Variants in ALG12 observed in about 807,000 individuals in gnomAD.
ALG12 encodes the protein ALG12 alpha-1,6-mannosyltransferase, also known as dol-P-Man:Man(7)GlcNAc(2)-PP-Dol alpha-1,6-mannosyltransferase.
Under a neutral mutation model 46.0 loss-of-function variants are expected in ALG12, and 36 were observed. The ratio of observed to expected loss-of-function variants is 0.78; its 90% CI spans 0.60 to 1.03. ALG12 has a LOEUF of 1.03. Ranked by LOEUF, ALG12 falls within the 50% of genes least tolerant of loss-of-function variation. ALG12 has a pLI of 0.00. For missense variants in ALG12, 599 were observed against 633.5 expected, an observed-to-expected ratio of 0.95 and a Z score of 0.58; for synonymous variants, 326 against 291.6, an observed-to-expected ratio of 1.12 and a Z score of -1.20.
intron 6 of ALG12, among the ~76,000 whole-genome samples, chr22:49,908,728 G>T (rs946423936): frequency 6.9e-6 from 1 of 144,308 alleles, no homozygotes; most frequent in African/African-American, 2.7e-5. Context: ...AAGGCAGGTG[G>T]ATCACCTGAG....
rs767435558 is a variant in ALG12, at chr22:49,907,871, A to C, written c.842T>G (p.Leu281Arg). The change falls in exon 7 of 10, where the codon CTG becomes CGG. Residue 281 changes from leucine (L) to arginine (R), a missense_variant. By Grantham distance (102) the Leu-to-Arg change is moderately radical. Coordinates refer to ENST00000330817, the MANE Select transcript of ALG12 (RefSeq NM_024105.4). Reference protein sequence around the residue: ...GLGCSLLFIPLGLVDRRTHAP... With the variant: ...GLGCSLLFIPRGLVDRRTHAP... Reference sequence around the variant, plus strand: ...GTGCGTCCTTCTGTCTACCAAGCCCAGGGGGATGAAGAGCAGGCTGCAGCC... The same window carrying C: ...GTGCGTCCTTCTGTCTACCAAGCCCCGGGGGATGAAGAGCAGGCTGCAGCC... 7 of 1,613,788 alleles carry C rather than the reference A, an allele frequency of 4.3e-6. No homozygotes were observed. The African/African-American group carries it at 9.3e-5, about 22-fold the overall frequency.
At chr22:49,867,290 A>G in the ALG12 span, among the ~76,000 whole-genome samples, 6 of 152,190 alleles carry the variant, frequency 3.9e-5, no homozygotes, top group Non-Finnish European at 8.8e-5. Context: ...GAAATGCCCA[A>G]CGCGTATGTT....
At chr22:49,863,521 G>T in the ALG12 span, among the ~76,000 whole-genome samples, 119 of 152,208 alleles carry the variant, frequency 7.8e-4, 1 homozygote, top group African/African-American at 2.7e-3. Flanking sequence ...CAGCTGCTCA[G>T]GAGGCTGAGG....
chr22:49,862,380 G>A, the ALG12 span, among the ~76,000 whole-genome samples: 11 of 152,256 alleles, frequency 7.2e-5, no homozygotes, highest in African/African-American at 2.4e-4. Flanking sequence ...CTGGGACTAC[G>A]GGCGTAAGCC....
At chr22:49,897,863 G>A (rs990830585), downstream of ALG12, among the ~76,000 whole-genome samples, 1 of 151,358 alleles carries the variant, frequency 6.6e-6, no homozygotes, top group African/African-American at 2.4e-5. Flanking sequence ...GTTTCACCAT[G>A]TTAGCCAGGA....
In ALG12 at chr22:49,903,916, G is replaced by T. The variant is rs745510179; in HGVS notation, c.1389C>A (p.Asn463Lys). The T allele has an allele frequency of 1.5e-5, 25 of 1,614,186 alleles. No homozygotes were observed. The highest frequency in any genetic ancestry group is 2.0e-5 in the Non-Finnish European group (24 of 1,180,006). ...SVVGTTGVSL[N>K]LTQLPPFNVH... ...CGTTGAAGGGGGGCAGTTGGGTCAGGTTCAGACTCACACCTGTGGTCCCCA... is the reference window on the plus strand; with the variant it reads ...CGTTGAAGGGGGGCAGTTGGGTCAGTTTCAGACTCACACCTGTGGTCCCCA... The change falls in exon 10 of 10, where the codon AAC (asparagine) becomes AAA (lysine). Residue 463 changes from asparagine (N) to lysine (K), a missense_variant. Asn to Lys is a moderately conservative substitution (Grantham distance 94, BLOSUM62 0). Coordinates refer to ENST00000330817, the MANE Select transcript of ALG12 (RefSeq NM_024105.4).
At chr22:49,892,877 C>A in the ALG12 span, among the ~76,000 whole-genome samples, 5 of 152,144 alleles carry the variant, frequency 3.3e-5, no homozygotes, top group Non-Finnish European at 1.5e-5. Context: ...GACTAAGTGA[C>A]TGAAAAGAGA....
the ALG12 span, among the ~76,000 whole-genome samples, chr22:49,867,408 C>T: frequency 3.9e-5 from 6 of 152,256 alleles, no homozygotes; most frequent in African/African-American, 1.4e-4. Flanking sequence ...GGTGCATCCA[C>T]TGGGTCAGTT....
chr22:49,895,060 G>C, the ALG12 span, among the ~76,000 whole-genome samples: 1 of 152,186 alleles, frequency 6.6e-6, no homozygotes, highest in Non-Finnish European at 1.5e-5. Context: ...AGGGAGAGGG[G>C]AGGCTCTGAG....
chr22:49,873,643 GAA>G, the ALG12 span, among the ~76,000 whole-genome samples: 32 of 152,002 alleles, frequency 2.1e-4, no homozygotes, highest in African/African-American at 7.2e-4. Context: ...CAATTTGGGG[GAA>G]AAAAAAGTAT....
the ALG12 span, chr22:49,887,067 C>G: frequency 1.2e-6 from 2 of 1,614,194 alleles, no homozygotes; most frequent in Non-Finnish European, 1.7e-6. Context: ...AAAAGCTGTT[C>G]AACACACCCA....
the ALG12 span, among the ~76,000 whole-genome samples, chr22:49,865,000 C>T: frequency 7.6e-6 from 1 of 130,858 alleles, no homozygotes; most frequent in Non-Finnish European, 1.6e-5. Context: ...TGTTTCTCCC[C>T]TGCAAACCCT....
chr22:49,871,089 C>T, the ALG12 span, among the ~76,000 whole-genome samples: 1 of 149,654 alleles, frequency 6.7e-6, no homozygotes, highest in African/African-American at 2.5e-5. Context: ...TACAGGTGTG[C>T]ACCACAATGC....
At chr22:49,881,603 C>G in the ALG12 span, among the ~76,000 whole-genome samples, 4 of 152,218 alleles carry the variant, frequency 2.6e-5, no homozygotes, top group Non-Finnish European at 5.9e-5. Flanking sequence ...TCTTCAAACT[C>G]CTGCCCTCAA....
At chr22:49,886,173 C>T in the ALG12 span, 316 of 703,066 alleles carry the variant, frequency 4.5e-4, 4 homozygotes, top group Non-Finnish European at 1.2e-4. This position sits in a 1 kb window ranked among gnomAD's most constrained non-coding sequence, Gnocchi z 7.7. Flanking sequence ...TGATCGTCAG[C>T]GAGGCCATTA....
intron 1 of ALG12, among the ~76,000 whole-genome samples, chr22:49,915,739 A>C (rs2060605726): frequency 6.6e-6 from 1 of 152,106 alleles, no homozygotes; most frequent in Non-Finnish European, 1.5e-5. Flanking sequence ...GATTTTTCCC[A>C]CCAGCGCAGC....
chr22:49,899,263 T>C (rs1040659970), downstream of ALG12, among the ~76,000 whole-genome samples: 4 of 152,016 alleles, frequency 2.6e-5, no homozygotes, highest in African/African-American at 7.3e-5. Context: ...GATCACTCAG[T>C]CAGGAGTTCG....
the ALG12 span, chr22:49,886,325 T>A: frequency 2.5e-6 from 4 of 1,590,306 alleles, no homozygotes; most frequent in South Asian, 3.3e-5. This position sits in a 1 kb window ranked among gnomAD's most constrained non-coding sequence, Gnocchi z 7.7. Context: ...ATCCAGGACG[T>A]CCCGTCCAAG....
the ALG12 span, among the ~76,000 whole-genome samples, chr22:49,890,662 GC>G: frequency 6.6e-6 from 1 of 152,170 alleles, no homozygotes; most frequent in Non-Finnish European, 1.5e-5. Context: ...CACTGATGAG[GC>G]TTTCCTGGGT....
Sources: gnomAD v4.1 joint callset for allele counts (sites outside exome capture counted in the v4.1 genomes callset) on GRCh38, gnomAD v4.1.1 for gene constraint, Gnocchi (gnomAD v3.1) non-coding constraint, MANE v1.5 for transcripts, NCBI Gene and HGNC (gene_info 2026-07-23, HGNC 2026-07-21) for gene names.